Variants in SLC24A2 observed in about 807,000 individuals in gnomAD.
The protein encoded by SLC24A2 is sodium/potassium/calcium exchanger 2.
A neutral mutation model predicts 62.0 loss-of-function variants in SLC24A2; 36 were observed. That is an observed-to-expected ratio of 0.58 (90% CI 0.44 to 0.77). The LOEUF is 0.77. Among genes scored for constraint, SLC24A2 ranks in the 30% least tolerant of loss-of-function variants. SLC24A2 has a pLI of 0.00. For synonymous variants in SLC24A2, 358 were observed against 294.0 expected (o/e 1.22, Z -2.23); for missense variants, 846 against 817.9 (o/e 1.03, Z -0.42).
chr9:20,068,618 A>T, the SLC24A2 span, among the ~76,000 whole-genome samples: 2 of 152,146 alleles, frequency 1.3e-5, no homozygotes, highest in African/African-American at 4.8e-5. Flanking sequence ...ATATTGCCAT[A>T]AATTGGAAAT....
chr9:19,713,065 C>A (rs990368490), intron 2 of SLC24A2, among the ~76,000 whole-genome samples: 6 of 152,198 alleles, frequency 3.9e-5, no homozygotes, highest in Admixed American at 3.9e-4. Context: ...ACCTCTCTGT[C>A]CCCTTTCCCT....
the SLC24A2 span, among the ~76,000 whole-genome samples, chr9:19,846,977 G>A: frequency 3.5e-3 from 532 of 152,166 alleles, 1 homozygote; most frequent in African/African-American, 0.012. Context: ...AGCTGTGATC[G>A]TGCCATTGCT....
the SLC24A2 span, among the ~76,000 whole-genome samples, chr9:20,211,038 A>G: frequency 6.6e-6 from 1 of 152,062 alleles, no homozygotes; most frequent in Non-Finnish European, 1.5e-5. Flanking sequence ...GGCATTAGAA[A>G]GAAGAGGAAA....
chr9:19,971,551 G>C, the SLC24A2 span, among the ~76,000 whole-genome samples: 2 of 152,184 alleles, frequency 1.3e-5, no homozygotes, highest in Non-Finnish European at 2.9e-5. Context: ...CAACCACTCA[G>C]GGAAAAGCAG....
At chr9:20,282,560 T>G in the SLC24A2 span, among the ~76,000 whole-genome samples, 1 of 152,220 alleles carries the variant, frequency 6.6e-6, no homozygotes, top group Admixed American at 6.5e-5. Flanking sequence ...AATTCAGGCC[T>G]GACAGATGCC....
intron 7 of SLC24A2, among the ~76,000 whole-genome samples, chr9:19,559,018 A>C (rs1039066485): frequency 6.6e-6 from 1 of 152,246 alleles, no homozygotes; most frequent in South Asian, 2.1e-4. Context: ...GTCAAGCCCA[A>C]GGCTGTCTTA....
chr9:19,969,680 A>G, the SLC24A2 span, among the ~76,000 whole-genome samples: 1 of 152,220 alleles, frequency 6.6e-6, no homozygotes, highest in Middle Eastern at 3.2e-3. Context: ...AAGGCGGTAG[A>G]AAGTTGGAAG....
At position 19,672,016 on chromosome 9, in the gene SLC24A2, T is replaced by C. The variant is rs946139880; in HGVS notation, c.931-49717A>G. ...CAGGGATATTGGTCTGTAATTTTCTTTTTTTTGTTACGTCCTTTCCTGGCT... is the reference window on the plus strand; with the variant it reads ...CAGGGATATTGGTCTGTAATTTTCTCTTTTTTGTTACGTCCTTTCCTGGCT... On this transcript the variant is annotated intron_variant, in intron 2 of 10. Coordinates refer to ENST00000341998, the MANE Select transcript of SLC24A2 (RefSeq NM_020344.4). Among the ~76,000 whole-genome samples, 10 of 145,988 alleles carry C rather than the reference T, an allele frequency of 6.8e-5. 1 individual carries two copies. The highest frequency in any genetic ancestry group is 4.5e-5 in the Non-Finnish European group (3 of 67,328).
At chr9:20,010,917 T>C in the SLC24A2 span, among the ~76,000 whole-genome samples, 1 of 152,164 alleles carries the variant, frequency 6.6e-6, no homozygotes, top group East Asian at 1.9e-4. Flanking sequence ...GCTTCATCCA[T>C]GTCCCTACAA....
the SLC24A2 span, among the ~76,000 whole-genome samples, chr9:19,994,405 C>T: frequency 1.3e-5 from 2 of 152,190 alleles, no homozygotes; most frequent in African/African-American, 4.8e-5. Context: ...CAAGCTCTCA[C>T]CCTCCTTTCT....
the SLC24A2 span, among the ~76,000 whole-genome samples, chr9:20,295,083 TACAC>T: frequency 6.4e-5 from 8 of 124,638 alleles, no homozygotes; most frequent in Non-Finnish European, 1.1e-4. Flanking sequence ...CACACACACA[TACAC>T]AGTGTGTATT....
At chr9:20,055,096 G>C in the SLC24A2 span, among the ~76,000 whole-genome samples, 1 of 152,268 alleles carries the variant, frequency 6.6e-6, no homozygotes, top group South Asian at 2.1e-4. Flanking sequence ...GGAATGTATA[G>C]TTATGAGCAT....
the SLC24A2 span, among the ~76,000 whole-genome samples, chr9:20,278,909 GAA>G: frequency 6.6e-6 from 1 of 152,152 alleles, no homozygotes; most frequent in Admixed American, 6.5e-5. Flanking sequence ...ATTTATAAAG[GAA>G]AGAGGTTTAA....
rs1832623913 is a variant in SLC24A2 at position 19,509,335 on chromosome 9, A to G, written c.*6818T>C. On this transcript the variant is annotated 3_prime_UTR_variant, in exon 11 of 11. Transcript: ENST00000341998. ...AGTTTTATTAAAGCACACATCTAAA[A>G]TGTATAAGTAGATTAGGATTGCCTA... is the stretch of plus-strand genomic sequence containing the variant. 1.3e-5 allele frequency: 2 copies of G among 152,208 alleles called. No homozygotes were observed. Among genetic ancestry groups the G allele is most frequent in the Non-Finnish European group, 1.5e-5 (1 of 68,028 alleles). 9.4% of individuals were successfully genotyped at this position (152,208 alleles called of 1,614,324 possible).
the SLC24A2 span, among the ~76,000 whole-genome samples, chr9:20,146,493 T>C: frequency 2.6e-5 from 4 of 152,196 alleles, no homozygotes; most frequent in East Asian, 7.8e-4. Flanking sequence ...CTAGGCAAAA[T>C]TATGAATACA....
the SLC24A2 span, among the ~76,000 whole-genome samples, chr9:19,917,648 GTTT>G: frequency 1.5e-4 from 23 of 151,610 alleles, no homozygotes; most frequent in African/African-American, 5.1e-4. Flanking sequence ...ACCTTTTGTT[GTTT>G]TTGTTGCTTT....
the SLC24A2 span, among the ~76,000 whole-genome samples, chr9:20,037,855 G>A: frequency 1.3e-5 from 2 of 152,200 alleles, no homozygotes; most frequent in African/African-American, 2.4e-5. Context: ...CCACAAGGAA[G>A]AGCCCAGCTC....
chr9:19,900,956 G>A, the SLC24A2 span, among the ~76,000 whole-genome samples: 2 of 152,212 alleles, frequency 1.3e-5, no homozygotes, highest in African/African-American at 4.8e-5. Flanking sequence ...TCACAAAAGT[G>A]CAAAGCAGCA....
At chr9:20,252,537 T>C in the SLC24A2 span, among the ~76,000 whole-genome samples, 2 of 152,192 alleles carry the variant, frequency 1.3e-5, no homozygotes, top group Non-Finnish European at 2.9e-5. Flanking sequence ...AGCACTTGTT[T>C]CCAAAGTACA....
Sources: gnomAD v4.1 joint callset for allele counts (sites outside exome capture counted in the v4.1 genomes callset) on GRCh38, gnomAD v4.1.1 for gene constraint, MANE v1.5 for transcripts, NCBI Gene and HGNC (gene_info 2026-07-23, HGNC 2026-07-21) for gene names.